Variants in RPS6KC1 observed in about 807,000 individuals in gnomAD.
RPS6KC1 encodes the protein inactive ribosomal protein S6 kinase delta-1.
Under a neutral mutation model 103.8 loss-of-function variants are expected in RPS6KC1, and 54 were observed. The observed-to-expected ratio is 0.52, with a 90% CI of 0.42 to 0.65. The LOEUF is 0.65. Ranked by LOEUF, RPS6KC1 falls within the 30% of genes least tolerant of loss-of-function variation. The pLI, the probability that RPS6KC1 is intolerant of heterozygous loss-of-function variation, is 0.00. For synonymous variants in RPS6KC1, 439 were observed against 438.7 expected (o/e 1.00, Z -0.01); for missense variants, 1,151 against 1,253.8 (o/e 0.92, Z 1.24).
At chr1:213,325,759 G>A in the RPS6KC1 span, among the ~76,000 whole-genome samples, 1 of 152,232 alleles carries the variant, frequency 6.6e-6, no homozygotes, top group African/African-American at 2.4e-5. Flanking sequence ...GAAAATTAGA[G>A]GCCTGACCTG....
intron 11 of RPS6KC1, 21 bp from the exon 12 acceptor site, chr1:213,242,548 C>A: frequency 6.3e-7 from 1 of 1,584,412 alleles, no homozygotes; most frequent in Non-Finnish European, 8.7e-7. Flanking sequence ...GTTTTGATTT[C>A]TCCTGTCGTT....
chr1:213,221,793 A>G (rs2093839330), intron 8 of RPS6KC1, among the ~76,000 whole-genome samples: 1 of 152,128 alleles, frequency 6.6e-6, no homozygotes, highest in South Asian at 2.1e-4. Flanking sequence ...CATAAATTGA[A>G]ATATAGGTTG....
At chr1:213,110,161 T>G (rs1023746981) in intron 4 of RPS6KC1, among the ~76,000 whole-genome samples, 3 of 152,234 alleles carry the variant, frequency 2.0e-5, no homozygotes, top group Non-Finnish European at 4.4e-5. Flanking sequence ...AACATATTTT[T>G]AATAGCTGCT....
the RPS6KC1 span, among the ~76,000 whole-genome samples, chr1:213,306,483 A>T: frequency 2.6e-5 from 4 of 152,250 alleles, no homozygotes; most frequent in Non-Finnish European, 5.9e-5. Context: ...TTGTTTACAA[A>T]TATGTGAAGC....
At chr1:213,856,692 T>G in the RPS6KC1 span, among the ~76,000 whole-genome samples, 1 of 152,256 alleles carries the variant, frequency 6.6e-6, no homozygotes, top group Non-Finnish European at 1.5e-5. Context: ...ACACAATCTG[T>G]TAAGGAAACA....
intron 7 of RPS6KC1, among the ~76,000 whole-genome samples, chr1:213,168,811 A>T (rs1484109334): frequency 1.3e-5 from 2 of 151,896 alleles, no homozygotes; most frequent in Non-Finnish European, 2.9e-5. Flanking sequence ...TTTAGTAGAG[A>T]CAGGGTTTCA....
chr1:213,385,691 T>A, the RPS6KC1 span, among the ~76,000 whole-genome samples: 3 of 152,274 alleles, frequency 2.0e-5, no homozygotes, highest in South Asian at 6.2e-4. Context: ...CTAAATAGAT[T>A]GCTACTGATG....
chr1:213,387,934 G>C, the RPS6KC1 span, among the ~76,000 whole-genome samples: 1 of 152,192 alleles, frequency 6.6e-6, no homozygotes, highest in East Asian at 1.9e-4. Context: ...AGTCTGTCTG[G>C]GTTATCTGTT....
the RPS6KC1 span, among the ~76,000 whole-genome samples, chr1:213,486,280 G>T: frequency 1.3e-5 from 2 of 152,068 alleles, no homozygotes; most frequent in African/African-American, 4.8e-5. Flanking sequence ...TATTAAATTG[G>T]TTCAAGTTTA....
At chr1:213,113,353 A>G (rs2083231496) in intron 4 of RPS6KC1, among the ~76,000 whole-genome samples, 1 of 152,070 alleles carries the variant, frequency 6.6e-6, no homozygotes, top group Non-Finnish European at 1.5e-5. Context: ...TGGCTGCATA[A>G]ATGTCTTCTT....
intron 1 of RPS6KC1, 76 bp from the exon 2 acceptor site, chr1:213,070,930 T>C (rs1474726181): frequency 5.6e-6 from 5 of 891,682 alleles, no homozygotes. Flanking sequence ...ACAAATACTA[T>C]TGGAAGTTAA....
the RPS6KC1 span, among the ~76,000 whole-genome samples, chr1:213,789,311 C>T: frequency 6.6e-6 from 1 of 152,158 alleles, no homozygotes; most frequent in Non-Finnish European, 1.5e-5. Context: ...TTGGATACTT[C>T]TTGGCACATT....
At chr1:213,736,732 A>T in the RPS6KC1 span, among the ~76,000 whole-genome samples, 2 of 152,242 alleles carry the variant, frequency 1.3e-5, no homozygotes, top group Non-Finnish European at 2.9e-5. Flanking sequence ...TTTAATCTTC[A>T]GTAGGGTGAA....
At chr1:213,670,491 G>A in the RPS6KC1 span, among the ~76,000 whole-genome samples, 2 of 152,222 alleles carry the variant, frequency 1.3e-5, no homozygotes, top group Non-Finnish European at 2.9e-5. Context: ...TCTGATTTGT[G>A]ATAGATCAAA....
the RPS6KC1 span, among the ~76,000 whole-genome samples, chr1:213,376,133 A>G: frequency 1.4e-5 from 2 of 143,128 alleles, no homozygotes; most frequent in South Asian, 2.2e-4. Flanking sequence ...TGTGTGTGTA[A>G]AGTTTCCAGA....
At chr1:213,830,921 G>C in the RPS6KC1 span, among the ~76,000 whole-genome samples, 1 of 152,152 alleles carries the variant, frequency 6.6e-6, no homozygotes, top group Admixed American at 6.5e-5. Context: ...AGTGGGTTCT[G>C]CCAAATGTCT....
the RPS6KC1 span, among the ~76,000 whole-genome samples, chr1:213,395,990 T>C: frequency 6.6e-6 from 1 of 152,108 alleles, no homozygotes; most frequent in South Asian, 2.1e-4. Context: ...CGGGATTCGA[T>C]AGAGGGCAGG....
At chr1:213,259,014 C>T (rs1370206526) in intron 12 of RPS6KC1, among the ~76,000 whole-genome samples, 1 of 152,190 alleles carries the variant, frequency 6.6e-6, no homozygotes, top group African/African-American at 2.4e-5. Context: ...CTCTAACCCT[C>T]ATGTTATAGA....
At chr1:213,074,031 G>GA (rs1454101085) in intron 2 of RPS6KC1, among the ~76,000 whole-genome samples, 1 of 152,158 alleles carries the variant, frequency 6.6e-6, no homozygotes, top group African/African-American at 2.4e-5. Context: ...TGAAAAGAGG[G>GA]AAAATAAAAT....
Sources: gnomAD v4.1 joint callset for allele counts (sites outside exome capture counted in the v4.1 genomes callset) on GRCh38, gnomAD v4.1.1 for gene constraint, MANE v1.5 for transcripts, NCBI Gene and HGNC (gene_info 2026-07-23, HGNC 2026-07-21) for gene names.